The following XKR9 variants were observed in gnomAD, a reference collection of about 807,000 sequenced individuals.
XKR9 encodes XK-related protein 9.
A neutral mutation model predicts 32.0 loss-of-function variants in XKR9; 32 were observed. That is an observed-to-expected ratio of 1.00 (90% CI 0.76 to 1.34). The LOEUF (loss-of-function observed/expected upper bound fraction) is 1.34. Ranked by LOEUF, XKR9 falls within the 40% of genes most tolerant of loss-of-function variation. The pLI is 0.00. For missense variants in XKR9, 546 were observed against 429.7 expected (o/e 1.27, Z -2.39); for synonymous variants, 168 against 143.4 (o/e 1.17, Z -1.22).
the XKR9 span, among the ~76,000 whole-genome samples, chr8:70,918,923 G>A: frequency 0.14 from 20,488 of 151,064 alleles, 1,867 homozygotes; most frequent in African/African-American, 0.26. Flanking sequence ...GACTACAGGC[G>A]CCCGCCACCA....
the XKR9 span, among the ~76,000 whole-genome samples, chr8:71,028,500 T>C: frequency 1.3e-5 from 2 of 152,000 alleles, no homozygotes; most frequent in African/African-American, 4.8e-5. Flanking sequence ...AGAAAGGGAA[T>C]GGGGAGTTGC....
At chr8:70,714,111 G>T (rs1190022742) in intron 4 of XKR9, among the ~76,000 whole-genome samples, 1 of 151,996 alleles carries the variant, frequency 6.6e-6, no homozygotes, top group Non-Finnish European at 1.5e-5. Flanking sequence ...AAGAGGAGGG[G>T]AGAGAGATTT....
chr8:71,038,536 G>T, the XKR9 span, among the ~76,000 whole-genome samples: 1 of 151,110 alleles, frequency 6.6e-6, no homozygotes, highest in East Asian at 1.9e-4. Context: ...GGCCAGGATG[G>T]TCTCAATCTC....
the XKR9 span, among the ~76,000 whole-genome samples, chr8:71,064,058 G>A: frequency 6.6e-5 from 10 of 152,008 alleles, no homozygotes; most frequent in Non-Finnish European, 2.9e-5. Context: ...AAGATTTTTG[G>A]TAACTTTATA....
In XKR9 at chr8:70,766,345, G is replaced by A. The variant is rs12680163; in HGVS notation, n.353-22994G>A. ...CATCCTTTGTAAGTTGTATTCCTAGGCATTTTATTCTCTTGGTAGCAACTG... is the reference window on the plus strand; with the variant it reads ...CATCCTTTGTAAGTTGTATTCCTAGACATTTTATTCTCTTGGTAGCAACTG... On this transcript the variant is annotated intron_variant and non_coding_transcript_variant, in intron 2 of 3. Transcript: ENST00000520273. Among the ~76,000 whole-genome samples the A allele has an allele frequency of 5.7e-3, 869 of 152,150 alleles. 7 individuals carry two copies. The highest frequency in any genetic ancestry group is 0.019 in the East Asian group (96 of 5,184).
the XKR9 span, among the ~76,000 whole-genome samples, chr8:70,823,976 A>C: frequency 6.6e-6 from 1 of 152,180 alleles, no homozygotes; most frequent in Non-Finnish European, 1.5e-5. Context: ...TTTTGTAGTA[A>C]GAATTTCTTG....
the XKR9 span, among the ~76,000 whole-genome samples, chr8:70,915,658 A>G: frequency 6.6e-6 from 1 of 152,186 alleles, no homozygotes; most frequent in Non-Finnish European, 1.5e-5. Context: ...TGAAGTAGAG[A>G]TGAAGATTTG....
chr8:70,772,188 G>A (rs1374717505), intron 2 of XKR9, among the ~76,000 whole-genome samples: 1 of 152,086 alleles, frequency 6.6e-6, no homozygotes, highest in Non-Finnish European at 1.5e-5. Flanking sequence ...CTTGAGATCA[G>A]GATTGTATCT....
the XKR9 span, among the ~76,000 whole-genome samples, chr8:71,063,558 A>T: frequency 6.6e-6 from 1 of 152,054 alleles, no homozygotes; most frequent in Non-Finnish European, 1.5e-5. Flanking sequence ...AAGTGACAAA[A>T]AAAAAAAGAG....
chr8:71,021,817 T>C, the XKR9 span, among the ~76,000 whole-genome samples: 105 of 152,332 alleles, frequency 6.9e-4, no homozygotes, highest in Admixed American at 3.2e-3. Flanking sequence ...TGGTTTCTTT[T>C]GCTGTACAGA....
the XKR9 span, among the ~76,000 whole-genome samples, chr8:70,865,507 A>AT: frequency 5.3e-5 from 8 of 151,794 alleles, no homozygotes; most frequent in Non-Finnish European, 8.8e-5. Context: ...TTGCAATTGT[A>AT]TTTTTTTAAT....
chr8:70,980,966 C>T, the XKR9 span, among the ~76,000 whole-genome samples: 1 of 152,148 alleles, frequency 6.6e-6, no homozygotes, highest in Non-Finnish European at 1.5e-5. Flanking sequence ...AAAATAGGAC[C>T]TCAATTTCTT....
chr8:70,817,477 T>A, the XKR9 span, among the ~76,000 whole-genome samples: 3 of 151,996 alleles, frequency 2.0e-5, no homozygotes, highest in Non-Finnish European at 4.4e-5. Flanking sequence ...AAATCACAGA[T>A]AATACAAACA....
At chr8:70,727,703 A>G (rs1806521117) in intron 4 of XKR9, among the ~76,000 whole-genome samples, 1 of 151,992 alleles carries the variant, frequency 6.6e-6, no homozygotes, top group South Asian at 2.1e-4. Context: ...TGGCCTGTGG[A>G]TCAGGGTTTT....
the XKR9 span, among the ~76,000 whole-genome samples, chr8:70,858,269 C>T: frequency 6.6e-6 from 1 of 152,128 alleles, no homozygotes; most frequent in Non-Finnish European, 1.5e-5. Context: ...TCAGCAAAGT[C>T]TCAGGATACA....
At chr8:71,035,372 CA>C in the XKR9 span, among the ~76,000 whole-genome samples, 1 of 152,126 alleles carries the variant, frequency 6.6e-6, no homozygotes, top group Admixed American at 6.5e-5. Flanking sequence ...ATGTAATAAA[CA>C]AGAGGTCTAC....
the XKR9 span, among the ~76,000 whole-genome samples, chr8:71,006,336 T>A: frequency 4.3e-3 from 488 of 113,544 alleles, 2 homozygotes; most frequent in African/African-American, 0.019. Flanking sequence ...TAAAAAAGAT[T>A]TTTTTTTTTA....
the XKR9 span, among the ~76,000 whole-genome samples, chr8:70,810,831 A>G: frequency 6.6e-6 from 1 of 152,218 alleles, no homozygotes; most frequent in Non-Finnish European, 1.5e-5. Context: ...ACTTCCACAC[A>G]ATAATAATGG....
chr8:71,052,299 GCTGT>G, the XKR9 span, among the ~76,000 whole-genome samples: 556 of 152,302 alleles, frequency 3.7e-3, 3 homozygotes, highest in Middle Eastern at 0.037. Context: ...AGTTAGAGAG[GCTGT>G]CTTAGTTGCA....
Sources: gnomAD v4.1 joint callset for allele counts (sites outside exome capture counted in the v4.1 genomes callset) on GRCh38, gnomAD v4.1.1 for gene constraint, MANE v1.5 for transcripts, NCBI Gene and HGNC (gene_info 2026-07-23, HGNC 2026-07-21) for gene names.